JAKMIP2: variants seen among roughly 807,000 people sequenced by gnomAD.
The protein encoded by JAKMIP2 is janus kinase and microtubule-interacting protein 2.
Under a neutral mutation model 115.0 loss-of-function variants are expected in JAKMIP2, and 25 were observed. The ratio of observed to expected loss-of-function variants is 0.22; its 90% confidence interval spans 0.16 to 0.30. The LOEUF is 0.30. Ranked by LOEUF, JAKMIP2 falls within the 10% of genes least tolerant of loss-of-function variation. The pLI is 1.00. For missense variants in JAKMIP2, 642 were observed against 957.6 expected (o/e 0.67, Z 4.35); for synonymous variants, 334 against 343.6 (o/e 0.97, Z 0.31).
chr5:147,635,977 G>T (rs1456349030), intron 12 of JAKMIP2, among the ~76,000 whole-genome samples: 1 of 152,164 alleles, frequency 6.6e-6, no homozygotes, highest in Non-Finnish European at 1.5e-5. Context: ...CAAATCAGGA[G>T]GTTTCAGGGA....
intron 1 of JAKMIP2, among the ~76,000 whole-genome samples, chr5:147,714,712 C>G (rs1384207120): frequency 6.6e-6 from 1 of 152,104 alleles, no homozygotes; most frequent in African/African-American, 2.4e-5. Flanking sequence ...AAAAAGATAA[C>G]AGTTACACTG....
At chr5:147,665,854 T>G (rs1420850617) in intron 2 of JAKMIP2, among the ~76,000 whole-genome samples, 1 of 152,222 alleles carries the variant, frequency 6.6e-6, no homozygotes, top group Admixed American at 6.5e-5. Context: ...TGCATCAAAT[T>G]GTATCTTCCT....
At chr5:147,621,066 GATAAT>G (rs1294252094) in intron 17 of JAKMIP2, among the ~76,000 whole-genome samples, 1 of 152,170 alleles carries the variant, frequency 6.6e-6, no homozygotes, top group Non-Finnish European at 1.5e-5. Context: ...AAAGTATTAT[GATAAT>G]ATATTTTTGT....
At position 147,719,249 on chromosome 5, in the gene JAKMIP2, A is replaced by T. The variant is rs894706176; in HGVS notation, c.-148-47295T>A. 1.6e-3 allele frequency among the ~76,000 whole-genome samples: 216 copies of T among 132,232 alleles called. 12 individuals are homozygous for T. The highest frequency in any genetic ancestry group is 6.6e-3 in the African/African-American group (206 of 31,434). 86.7% of individuals were successfully genotyped at this position (132,232 alleles called of 152,430 possible). On this transcript the variant is annotated intron_variant, in intron 1 of 21. Coordinates refer to ENST00000616793, the MANE Select transcript of JAKMIP2 (RefSeq NM_001270941.2). ...AATTTGTGTTCTTTTACATTTGCTG[A>T]GGAGAGCTTTACTTCCAACTATGTG...
At chr5:147,742,155 A>ATATATATATT in intron 1 of JAKMIP2, among the ~76,000 whole-genome samples, 5 of 108,902 alleles carry the variant, frequency 4.6e-5, no homozygotes, top group African/African-American at 1.9e-4. Context: ...ATATATATAT[A>ATATATATATT]TTTTTTTTAC....
chr5:147,734,936 C>T (rs1176075830), intron 1 of JAKMIP2, among the ~76,000 whole-genome samples: 2 of 152,032 alleles, frequency 1.3e-5, no homozygotes, highest in Non-Finnish European at 2.9e-5. Flanking sequence ...ATCCCGAGGC[C>T]CTTGTAGACA....
intron 1 of JAKMIP2, among the ~76,000 whole-genome samples, chr5:147,687,981 T>C (rs1315120263): frequency 6.6e-6 from 1 of 152,234 alleles, no homozygotes; most frequent in Non-Finnish European, 1.5e-5. Context: ...GCCTTTGATG[T>C]GTCTGACAAA....
intron 1 of JAKMIP2, among the ~76,000 whole-genome samples, chr5:147,699,616 T>TA (rs199688913): frequency 0.068 from 10,282 of 151,894 alleles, 467 homozygotes; most frequent in Middle Eastern, 0.16. Flanking sequence ...ATCTTACTCA[T>TA]AAAAAAAACC....
intron 1 of JAKMIP2, among the ~76,000 whole-genome samples, chr5:147,715,825 T>C (rs1442707425): frequency 2.0e-5 from 3 of 147,946 alleles, no homozygotes; most frequent in African/African-American, 7.6e-5. Flanking sequence ...TTCTTTTTTT[T>C]TTTTTGGCCA....
chr5:147,749,629 C>T (rs990443613), intron 1 of JAKMIP2, among the ~76,000 whole-genome samples: 58 of 152,202 alleles, frequency 3.8e-4, no homozygotes, highest in African/African-American at 1.2e-3. Context: ...TATACACCAT[C>T]GCCTACCTAG....
chr5:147,694,030 C>T (rs890337443), intron 1 of JAKMIP2, among the ~76,000 whole-genome samples: 7 of 152,118 alleles, frequency 4.6e-5, no homozygotes, highest in African/African-American at 1.7e-4. Context: ...TAGTCTGCAG[C>T]TGGGCTACAT....
chr5:147,758,371 A>T (rs1754819748), intron 1 of JAKMIP2, among the ~76,000 whole-genome samples: 1 of 152,186 alleles, frequency 6.6e-6, no homozygotes, highest in African/African-American at 2.4e-5. Context: ...TTCTTTTAAA[A>T]TACAAATCGA....
intron 13 of JAKMIP2, 92 bp downstream of exon 13, chr5:147,632,588 G>T: frequency 2.4e-6 from 2 of 817,290 alleles, no homozygotes; most frequent in South Asian, 1.7e-5. Context: ...GTATGAATCT[G>T]AAATGCTTAA....
chr5:147,706,221 A>G (rs1400314930), intron 1 of JAKMIP2, among the ~76,000 whole-genome samples: 2 of 152,190 alleles, frequency 1.3e-5, no homozygotes, highest in Admixed American at 6.5e-5. Context: ...AGACTCTTAC[A>G]GAAGTGAATT....
At chr5:147,764,362 G>T (rs1755035375) in intron 1 of JAKMIP2, among the ~76,000 whole-genome samples, 1 of 152,002 alleles carries the variant, frequency 6.6e-6, no homozygotes, top group Non-Finnish European at 1.5e-5. Flanking sequence ...TCAGACAAGG[G>T]AGGTCTGAAT....
Position 147,617,496 on chromosome 5 carries a change from G to A in JAKMIP2, c.2346+415C>T, listed in dbSNP as rs115817401. Among the ~76,000 whole-genome samples the A allele has an allele frequency of 5.9e-3, 904 of 152,278 alleles. 15 individuals carry two copies. The highest frequency in any genetic ancestry group is 0.021 in the African/African-American group (870 of 41,544). ...CTTTGTTGGTGGTGATGTTTGTAAT[G>A]TGAACGGTCCTTGCTCTCTTTTACA... is the stretch of plus-strand genomic sequence containing the variant. On this transcript the variant is annotated intron_variant, in intron 19 of 21. Coordinates refer to ENST00000616793, the MANE Select transcript of JAKMIP2 (RefSeq NM_001270941.2).
At chr5:147,648,919 G>C (rs571491732) in intron 4 of JAKMIP2, among the ~76,000 whole-genome samples, 36 of 152,266 alleles carry the variant, frequency 2.4e-4, no homozygotes, top group African/African-American at 8.2e-4. Context: ...AGGAGGTAGG[G>C]ATTAATATTG....
Position 147,650,402 on chromosome 5 carries a change from A to C in JAKMIP2, c.773T>G (p.Met258Arg). 1 of 1,613,886 alleles carries C rather than the reference A, an allele frequency of 6.2e-7. No individual in the cohort carries two copies. The highest frequency in any genetic ancestry group is 8.5e-7 in the Non-Finnish European group (1 of 1,179,854). Residue 258 changes from methionine to arginine, a missense_variant, in exon 4 of 22, where the codon ATG becomes AGG. By Grantham distance (91) the Met-to-Arg change is moderately conservative (BLOSUM62 -1). Coordinates refer to ENST00000616793, the MANE Select transcript of JAKMIP2 (RefSeq NM_001270941.2). ...LFLVKEAECN[M>R]SSPKREIPGR... Reference sequence around the variant, plus strand: ...TGGAATTTCTCGTTTTGGGCTGCTCATGTTGCACTCAGCCTCCTTGACCAG... The same window carrying C: ...TGGAATTTCTCGTTTTGGGCTGCTCCTGTTGCACTCAGCCTCCTTGACCAG...
At chr5:147,628,142 C>T (rs1230060341) in intron 16 of JAKMIP2, among the ~76,000 whole-genome samples, 1 of 152,132 alleles carries the variant, frequency 6.6e-6, no homozygotes, top group Non-Finnish European at 1.5e-5. Flanking sequence ...CTCCCTCAGC[C>T]TCCAAAGTAG....
Sources: gnomAD v4.1 joint callset for allele counts (sites outside exome capture counted in the v4.1 genomes callset) on GRCh38, gnomAD v4.1.1 for gene constraint, MANE v1.5 for transcripts, NCBI Gene and HGNC (gene_info 2026-07-23, HGNC 2026-07-21) for gene names.